Variants in PLCH1 observed in about 807,000 individuals in gnomAD.
PLCH1 encodes phospholipase C eta 1, also known as 1-phosphatidylinositol 4,5-bisphosphate phosphodiesterase eta-1.
Under a neutral mutation model 126.7 loss-of-function variants are expected in PLCH1, and 60 were observed. That is an observed-to-expected ratio of 0.47 (90% CI 0.38 to 0.59). The LOEUF is 0.59. Among genes scored for constraint, PLCH1 ranks in the 20% least tolerant of loss-of-function variants. PLCH1 has a pLI of 0.00. For synonymous variants in PLCH1, 719 were observed against 734.9 expected (o/e 0.98, Z 0.35); for missense variants, 1,723 against 2,040.0 (o/e 0.84, Z 2.99).
At chr3:155,692,459 A>AATGGATGGATGGATGG (rs59965316) in intron 2 of PLCH1, among the ~76,000 whole-genome samples, 127 of 151,762 alleles carry the variant, frequency 8.4e-4, no homozygotes, top group African/African-American at 3.0e-3. Context: ...TGAATGAATG[A>AATGGATGGATGGATGG]ATGGATGGAT....
intron 2 of PLCH1, among the ~76,000 whole-genome samples, chr3:155,665,954 A>G (rs1470673137): frequency 1.3e-5 from 2 of 152,236 alleles, no homozygotes; most frequent in Non-Finnish European, 2.9e-5. Context: ...TCAATTGACT[A>G]TAACTATCAG....
intron 21 of PLCH1, among the ~76,000 whole-genome samples, chr3:155,454,857 T>C (rs1410904340): frequency 6.6e-6 from 1 of 152,168 alleles, no homozygotes; most frequent in Admixed American, 6.5e-5. Context: ...ATCAACAGAG[T>C]AGGCCCAGTT....
chr3:155,715,959 A>G (rs1473613607), intron 1 of PLCH1, among the ~76,000 whole-genome samples: 13 of 151,934 alleles, frequency 8.6e-5, no homozygotes, highest in Admixed American at 8.5e-4. Context: ...TCTAATTTCA[A>G]CGTTTAACTG....
intron 4 of PLCH1, among the ~76,000 whole-genome samples, chr3:155,587,877 G>A (rs539806608): frequency 9.9e-5 from 15 of 152,132 alleles, no homozygotes; most frequent in African/African-American, 3.1e-4. Context: ...CAAGTACTGC[G>A]TGCATATTTA....
intron 2 of PLCH1, among the ~76,000 whole-genome samples, chr3:155,628,356 GAAAAA>G (rs34200511): frequency 1.7e-4 from 17 of 98,154 alleles, no homozygotes; most frequent in Admixed American, 9.0e-4. Context: ...CTATGCCCAG[GAAAAA>G]AAAAAAAAAA....
At chr3:155,648,558 T>C (rs1297804435) in intron 2 of PLCH1, among the ~76,000 whole-genome samples, 2 of 152,154 alleles carry the variant, frequency 1.3e-5, no homozygotes, top group Non-Finnish European at 2.9e-5. Flanking sequence ...TCATATGTTC[T>C]CTCTTTCAGC....
chr3:155,531,127 A>G (rs1722617154), intron 10 of PLCH1, among the ~76,000 whole-genome samples: 1 of 152,218 alleles, frequency 6.6e-6, no homozygotes, highest in Non-Finnish European at 1.5e-5. Context: ...CAGTGCAGGC[A>G]GAGTAGATTT....
At position 155,719,121 on chromosome 3, in the gene PLCH1, G is replaced by C. The variant is rs543688340; in HGVS notation, c.-40-14857C>G. ...TTGGTGCACCCATCACCTGAGCAGA[G>C]TACACTGTACCCAATGTGTAGTGTA... On this transcript the variant is annotated intron_variant, in intron 1 of 22. Coordinates refer to ENST00000460012, the MANE Select transcript of PLCH1 (RefSeq NM_014996.4). 1.0e-3 allele frequency among the ~76,000 whole-genome samples: 157 copies of C among 152,212 alleles called. 2 individuals are homozygous for C. Among genetic ancestry groups the C allele is most frequent in the Non-Finnish European group, 2.9e-4 (20 of 67,986 alleles).
chr3:155,686,591 C>T (rs358904), intron 2 of PLCH1, among the ~76,000 whole-genome samples: 30,693 of 152,100 alleles, frequency 0.2, 3,474 homozygotes, highest in East Asian at 0.45. Context: ...CACTTTCTAA[C>T]AGTTAGGTTA....
chr3:155,680,550 G>T (rs550338107), intron 2 of PLCH1, among the ~76,000 whole-genome samples: 2 of 152,234 alleles, frequency 1.3e-5, no homozygotes, highest in East Asian at 1.9e-4. Context: ...CCACATACAG[G>T]TACCTCAATT....
intron 11 of PLCH1, among the ~76,000 whole-genome samples, chr3:155,521,711 A>C (rs923091235): frequency 1.3e-5 from 2 of 152,250 alleles, no homozygotes; most frequent in South Asian, 2.1e-4. Context: ...GTCTGATTAC[A>C]AGATAATACT....
intron 21 of PLCH1, among the ~76,000 whole-genome samples, chr3:155,459,091 G>A (rs1401580752): frequency 1.3e-5 from 2 of 152,212 alleles, no homozygotes; most frequent in Non-Finnish European, 2.9e-5. Context: ...GGCTAATTGG[G>A]ATAAGGTGGG....
At chr3:155,724,851 GTGTA>G (rs774753613) in intron 1 of PLCH1, among the ~76,000 whole-genome samples, 3 of 147,684 alleles carry the variant, frequency 2.0e-5, no homozygotes, top group East Asian at 2.0e-4. Flanking sequence ...GTGTGTGTGT[GTGTA>G]ATTGTTATAT....
rs372932579 is a variant in PLCH1 at position 155,733,951 on chromosome 3, A to G, written c.-41+10889T>C. 1.5e-3 allele frequency among the ~76,000 whole-genome samples: 139 copies of G among 94,590 alleles called. 3 individuals carry two copies. Among genetic ancestry groups the G allele is most frequent in the Non-Finnish European group, 1.2e-3 (52 of 42,824 alleles). The allele number at this position is 94,590 out of a possible 152,430, so 62.1% of individuals were successfully genotyped here. A position where few individuals can be genotyped will look rare whatever the true frequency, so the allele number is the denominator to read the frequency against. On this transcript the variant is annotated intron_variant, in intron 1 of 22. Transcript: ENST00000460012. Reference sequence around the variant, plus strand: ...CAGGTATACATATATATATATATATATATATATATATATATATATATATAT... The same window carrying G: ...CAGGTATACATATATATATATATATGTATATATATATATATATATATATAT...
At chr3:155,484,931 A>T (rs1454371753) in intron 22 of PLCH1, among the ~76,000 whole-genome samples, 1 of 152,234 alleles carries the variant, frequency 6.6e-6, no homozygotes, top group Admixed American at 6.5e-5. Flanking sequence ...CTCGTTTTTA[A>T]CATCTGGCTT....
At chr3:155,494,305 A>T in intron 16 of PLCH1, 33 bp downstream of exon 16, 1 of 1,612,616 alleles carries the variant, frequency 6.2e-7, no homozygotes, top group Non-Finnish European at 8.5e-7. Flanking sequence ...GTGAGAATAT[A>T]CAGAGAACCA....
intron 2 of PLCH1, among the ~76,000 whole-genome samples, chr3:155,669,791 C>T (rs1743214359): frequency 6.6e-6 from 1 of 152,170 alleles, no homozygotes; most frequent in South Asian, 2.1e-4. Flanking sequence ...GACCTGTCTC[C>T]TGTTCATACT....
At position 155,586,911 on chromosome 3, in the gene PLCH1, T is replaced by C. The variant is rs148926840; in HGVS notation, c.471-717A>G. Among the ~76,000 whole-genome samples, 27 of 152,342 alleles carry C rather than the reference T, an allele frequency of 1.8e-4. No homozygotes were observed. The East Asian group carries it at 5.0e-3, about 28-fold the overall frequency. On this transcript the variant is annotated intron_variant, in intron 4 of 22. Coordinates refer to ENST00000460012, the MANE Select transcript of PLCH1 (RefSeq NM_014996.4). The stretch of plus-strand genomic sequence containing the variant: ...ATGGATACTAAAACCTCATGGATAC[T>C]AAAAGCTACATTACTGGTTCTAATT...
intron 11 of PLCH1, among the ~76,000 whole-genome samples, chr3:155,517,691 C>A (rs1456798387): frequency 6.6e-6 from 1 of 152,192 alleles, no homozygotes; most frequent in East Asian, 1.9e-4. Context: ...AACTTAATTA[C>A]ATCCGCAAAG....
Sources: allele counts gnomAD v4.1 joint callset (sites outside exome capture counted in the v4.1 genomes callset), GRCh38; gene constraint gnomAD v4.1.1; transcripts MANE v1.5; gene names NCBI Gene and HGNC (gene_info 2026-07-23, HGNC 2026-07-21).